ARHGAP22: variants seen among roughly 807,000 people sequenced by gnomAD.
ARHGAP22 encodes Rho GTPase activating protein 22, also known as rho GTPase-activating protein 22.
Under a neutral mutation model 59.1 loss-of-function variants are expected in ARHGAP22, and 48 were observed. The ratio of observed to expected loss-of-function variants is 0.81; its 90% CI spans 0.64 to 1.03. The LOEUF (loss-of-function observed/expected upper bound fraction) is 1.03, where lower values mean the gene tolerates loss of function less well. Ranked by LOEUF, ARHGAP22 falls within the 50% of genes least tolerant of loss-of-function variation. ARHGAP22 has a pLI of 0.00. For synonymous variants in ARHGAP22, 445 were observed against 416.4 expected, an observed-to-expected ratio of 1.07 and a Z score of -0.84; for missense variants, 1,015 against 958.7, an observed-to-expected ratio of 1.06 and a Z score of -0.78.
intron 1 of ARHGAP22, among the ~76,000 whole-genome samples, chr10:48,625,462 G>C (rs1221800703): frequency 1.3e-5 from 2 of 152,078 alleles, no homozygotes; most frequent in African/African-American, 4.8e-5. Flanking sequence ...CCCTAATCAT[G>C]CATAAGGCTG....
intron 3 of ARHGAP22, among the ~76,000 whole-genome samples, chr10:48,536,088 C>G (rs192802107): frequency 1.2e-3 from 179 of 152,316 alleles, no homozygotes; most frequent in African/African-American, 4.1e-3. Context: ...GGGAAGGTCC[C>G]TTGTTCCTCG....
At chr10:48,470,076 G>C (rs1038207485) in intron 4 of ARHGAP22, among the ~76,000 whole-genome samples, 2 of 152,188 alleles carry the variant, frequency 1.3e-5, no homozygotes, top group African/African-American at 4.8e-5. Context: ...GGAAATGCTG[G>C]GGTCCCCAGG....
rs114865887 is a variant in ARHGAP22 at position 48,517,528 on chromosome 10, G to A, written c.323-37764C>T. Among the ~76,000 whole-genome samples the A allele has an allele frequency of 2.2e-3, 342 of 152,216 alleles. 1 individual carries two copies. Among genetic ancestry groups the A allele is most frequent in the African/African-American group, 7.8e-3 (324 of 41,536 alleles). On this transcript the variant is annotated intron_variant, in intron 3 of 9. Transcript: ENST00000249601. ...CAAGCCTCTTCTTCCTCTTCCCTTC[G>A]GGAGTTCAGACCTCTGAAGCTCTCT...
At position 48,450,950 on chromosome 10, in the gene ARHGAP22, G is replaced by C; in HGVS notation, c.1179C>G (p.Thr393=). 1 of 1,581,466 alleles carries C rather than the reference G, an allele frequency of 6.3e-7. No individual in the cohort carries two copies. Among genetic ancestry groups the C allele is most frequent in the Non-Finnish European group, 8.6e-7 (1 of 1,164,670 alleles). The change falls in exon 9 of 10, where the codon ACC becomes ACG. Residue 393 remains threonine (T), a synonymous_variant. Coordinates refer to ENST00000249601, the MANE Select transcript of ARHGAP22 (RefSeq NM_021226.4). The part of the protein sequence containing the change: ...PGGPGLPAHR[T]SSLDGAAVAV... Reference sequence around the variant, plus strand: ...CCACGGCCGCCCCGTCCAGGGAAGAGGTCCTGTGCGCGGGCAGGCCGGGGC... The same window carrying C: ...CCACGGCCGCCCCGTCCAGGGAAGACGTCCTGTGCGCGGGCAGGCCGGGGC...
chr10:48,645,907 T>G (rs1037927384), intron 1 of ARHGAP22, among the ~76,000 whole-genome samples: 1 of 152,038 alleles, frequency 6.6e-6, no homozygotes, highest in African/African-American at 2.4e-5. Flanking sequence ...AAGAAGAAAA[T>G]CTGTCTTTAT....
chr10:48,645,493 A>G (rs564255452), intron 1 of ARHGAP22, among the ~76,000 whole-genome samples: 1 of 152,208 alleles, frequency 6.6e-6, no homozygotes. Flanking sequence ...TTGTACATCT[A>G]TTACACATCT....
rs73303049 is a variant in ARHGAP22 at position 48,466,368 on chromosome 10, A to C, written c.452-6477T>G. Among the ~76,000 whole-genome samples, 175 of 151,830 alleles carry C rather than the reference A, an allele frequency of 1.2e-3. 1 individual carries two copies. The highest frequency in any genetic ancestry group is 4.0e-3 in the African/African-American group (166 of 41,412). On this transcript the variant is annotated intron_variant, in intron 4 of 9. Coordinates refer to ENST00000249601, the MANE Select transcript of ARHGAP22 (RefSeq NM_021226.4). ...CCGGTCCCTGTTTCTTCCCTCGGAC[A>C]CGCACGACCCTCGCCCCCTGGGAAC... is the stretch of plus-strand genomic sequence containing the variant.
chr10:48,446,450 ACTC>A lies in ARHGAP22; in HGVS notation c.2035_2037del (p.Glu679del), dbSNP rs1397383980. The stretch of plus-strand genomic sequence containing the variant: ...GTCAAGCTTCCTAGGGTCGAAAAAA[ACTC>A]CTCCATTTCCCTCTGCAACAGCTGG... On this transcript the variant is annotated inframe_deletion, in exon 10 of 10. Coordinates refer to ENST00000249601, the MANE Select transcript of ARHGAP22 (RefSeq NM_021226.4). 3.7e-6 allele frequency: 6 copies of A among 1,612,966 alleles called. No homozygotes were observed. The highest frequency in any genetic ancestry group is 1.3e-5 in the African/African-American group (1 of 74,522).
intron 2 of ARHGAP22, among the ~76,000 whole-genome samples, chr10:48,558,375 T>TTTTGC (rs2057454614): frequency 6.6e-6 from 1 of 152,176 alleles, no homozygotes; most frequent in Admixed American, 6.5e-5. Flanking sequence ...TTTTGTTTTG[T>TTTTGC]TTTGCTTTTT....
intron 1 of ARHGAP22, among the ~76,000 whole-genome samples, chr10:48,630,243 C>T (rs946700315): frequency 1.3e-5 from 2 of 152,170 alleles, no homozygotes; most frequent in Non-Finnish European, 2.9e-5. Flanking sequence ...AGGCCCCCGC[C>T]ACCTCGCTCG....
At chr10:48,496,914 C>G (rs746400909) in intron 3 of ARHGAP22, among the ~76,000 whole-genome samples, 2 of 152,126 alleles carry the variant, frequency 1.3e-5, no homozygotes, top group Admixed American at 6.5e-5. Context: ...GCTACTCACA[C>G]TCGGCTTTCT....
At chr10:48,652,565 T>TA (rs941800226) in exon 1 of ARHGAP22, 5 of 484,228 alleles carry the variant, frequency 1.0e-5, no homozygotes, top group African/African-American at 1.9e-5. Context: ...CTCAAATCTG[T>TA]AAAATGGGAA....
intron 3 of ARHGAP22, among the ~76,000 whole-genome samples, chr10:48,528,344 C>T (rs1344833109): frequency 6.6e-6 from 1 of 152,166 alleles, no homozygotes; most frequent in East Asian, 1.9e-4. Context: ...ACCATCTTAG[C>T]CACAAGCATA....
At chr10:48,533,676 T>C (rs1017996825) in intron 3 of ARHGAP22, among the ~76,000 whole-genome samples, 3 of 152,236 alleles carry the variant, frequency 2.0e-5, no homozygotes, top group East Asian at 1.9e-4. Flanking sequence ...AGCTCCACCA[T>C]TGTGGTGTGA....
At chr10:48,465,881 C>A (rs1009109364) in intron 4 of ARHGAP22, among the ~76,000 whole-genome samples, 1 of 152,190 alleles carries the variant, frequency 6.6e-6, no homozygotes, top group Admixed American at 6.5e-5. Flanking sequence ...ATCTTCCATG[C>A]AACCACCCCA....
intron 1 of ARHGAP22, among the ~76,000 whole-genome samples, chr10:48,622,919 G>A (rs1410489437): frequency 6.6e-6 from 1 of 152,164 alleles, no homozygotes; most frequent in African/African-American, 2.4e-5. Context: ...GAAACATGCA[G>A]GCAGGCTCCT....
At chr10:48,628,955 C>A (rs1223742751) in intron 1 of ARHGAP22, among the ~76,000 whole-genome samples, 5 of 152,166 alleles carry the variant, frequency 3.3e-5, no homozygotes, top group Non-Finnish European at 7.3e-5. Context: ...AGTGCACAAC[C>A]CTGACCAATG....
intron 3 of ARHGAP22, among the ~76,000 whole-genome samples, chr10:48,495,475 T>A (rs138821512): frequency 6.6e-6 from 1 of 152,314 alleles, no homozygotes; most frequent in African/African-American, 2.4e-5. Context: ...CTGCCCCCGG[T>A]CACCCAAGGG....
chr10:48,511,117 G>A (rs983625116), intron 3 of ARHGAP22, among the ~76,000 whole-genome samples: 3 of 152,316 alleles, frequency 2.0e-5, no homozygotes, highest in African/African-American at 4.8e-5. Context: ...TGCACGGCAC[G>A]GCAGCCAGGA....
Sources: allele counts gnomAD v4.1 joint callset (sites outside exome capture counted in the v4.1 genomes callset), GRCh38; gene constraint gnomAD v4.1.1; transcripts MANE v1.5; gene names NCBI Gene and HGNC (gene_info 2026-07-23, HGNC 2026-07-21).